RCBTB1: variants seen among roughly 807,000 people sequenced by gnomAD.
The protein encoded by RCBTB1 is RCC1 and BTB domain containing protein 1.
Under a neutral mutation model 62.4 loss-of-function variants are expected in RCBTB1, and 46 were observed. The observed-to-expected ratio is 0.74, with a 90% confidence interval of 0.58 to 0.94. The LOEUF is 0.94. Ranked by LOEUF, RCBTB1 falls within the 40% of genes least tolerant of loss-of-function variation. The pLI is 0.00. For missense variants in RCBTB1, 565 were observed against 654.9 expected, an observed-to-expected ratio of 0.86 and a Z score of 1.50; for synonymous variants, 222 against 245.8, an observed-to-expected ratio of 0.90 and a Z score of 0.91.
At chr13:49,560,200 C>G in intron 4 of RCBTB1, 116 bp from the exon 5 acceptor site, 3 of 1,112,100 alleles carry the variant, frequency 2.7e-6, no homozygotes, top group Non-Finnish European at 3.9e-6. Flanking sequence ...CCCATTGCCC[C>G]CTCCTCTCTA....
At chr13:49,573,013 C>T (rs1963512419) in intron 2 of RCBTB1, among the ~76,000 whole-genome samples, 1 of 152,134 alleles carries the variant, frequency 6.6e-6, no homozygotes, top group African/African-American at 2.4e-5. Flanking sequence ...CAACTCTCTT[C>T]CTTCCCATGG....
chr13:49,583,020 T>TA (rs1964195975), intron 1 of RCBTB1, among the ~76,000 whole-genome samples: 1 of 151,776 alleles, frequency 6.6e-6, no homozygotes, highest in African/African-American at 2.4e-5. Context: ...CTACAAAAAA[T>TA]AAAAAAATTA....
At position 49,555,574 on chromosome 13, in the gene RCBTB1, T is replaced by A; in HGVS notation, c.544A>T (p.Arg182Trp). ...TGACCACAGGCAATGCCAACTACCCTCTTAATATGTAAACAGTTTGTAACT... is the reference window on the plus strand; with the variant it reads ...TGACCACAGGCAATGCCAACTACCCACTTAATATGTAAACAGTTTGTAACT... ...RKVTNCLHIKRVVGIACGQTS... is the reference protein window; with the variant it reads ...RKVTNCLHIKWVVGIACGQTS... The change falls in exon 6 of 13, where the codon AGG (arginine) becomes TGG (tryptophan). Residue 182 changes from arginine to tryptophan, a missense_variant. By Grantham distance (101) the Arg-to-Trp change is moderately radical. Transcript: ENST00000378302. 2 of 1,613,792 alleles carry A rather than the reference T, an allele frequency of 1.2e-6. No individual in the cohort carries two copies. Among genetic ancestry groups the A allele is most frequent in the Non-Finnish European group, 1.7e-6 (2 of 1,179,752 alleles).
chr13:49,534,892 G>A lies in RCBTB1; in HGVS notation c.1456-630C>T, dbSNP rs142332312. Reference sequence around the variant, plus strand: ...CTAGTAAAACTACAAAAATTAGCCGGGCGTGGTGGTGGATGCCTGTAATCC... The same window carrying A: ...CTAGTAAAACTACAAAAATTAGCCGAGCGTGGTGGTGGATGCCTGTAATCC... On this transcript the variant is annotated intron_variant, in intron 12 of 12. Transcript: ENST00000378302. Among the ~76,000 whole-genome samples, 1,055 of 152,170 alleles carry A rather than the reference G, an allele frequency of 6.9e-3. 13 individuals are homozygous for A. The highest frequency in any genetic ancestry group is 0.022 in the African/African-American group (902 of 41,514).
In RCBTB1 at chr13:49,532,476, T is replaced by G. The variant is rs1167071226; in HGVS notation, c.*1646A>C. ...CAGTGATTGTTACAAACACCACCCA[T>G]CATAGCACAAATCAATGTGCATTTC... On this transcript the variant is annotated 3_prime_UTR_variant, in exon 13 of 13. Coordinates refer to ENST00000378302, the MANE Select transcript of RCBTB1 (RefSeq NM_018191.4). The G allele has an allele frequency of 6.6e-6, 1 of 152,572 alleles. No homozygotes were observed. The highest frequency in any genetic ancestry group is 2.4e-5 in the African/African-American group (1 of 41,424). The allele number at this position is 152,572 out of a possible 1,614,324, so 9.5% of individuals were successfully genotyped here. A position where few individuals can be genotyped will look rare whatever the true frequency, so the allele number is the denominator to read the frequency against.
chr13:49,551,893 C>G (rs1159425653), intron 7 of RCBTB1, among the ~76,000 whole-genome samples: 2 of 81,016 alleles, frequency 2.5e-5, no homozygotes, highest in African/African-American at 1.1e-4. Flanking sequence ...GAGGGAGACT[C>G]CGTCTCAAAA....
chr13:49,532,410 T>C lies in RCBTB1; in HGVS notation c.*1712A>G, dbSNP rs1183930425. ...TTTCAAGTAAGAGCAATAGTAAACA[T>C]ACTGAAGTTCACATTTTGCTCAGAT... is the stretch of plus-strand genomic sequence containing the variant. On this transcript the variant is annotated 3_prime_UTR_variant, in exon 13 of 13. Coordinates refer to ENST00000378302, the MANE Select transcript of RCBTB1 (RefSeq NM_018191.4). 4 of 115,812 alleles carry C rather than the reference T, an allele frequency of 3.5e-5. No individual in the cohort carries two copies. The East Asian group carries it at 1.0e-3, about 29-fold the overall frequency. 7.2% of individuals were successfully genotyped at this position (115,812 alleles called of 1,614,324 possible).
At chr13:49,535,510 C>A (rs536683074) in intron 12 of RCBTB1, among the ~76,000 whole-genome samples, 1 of 152,308 alleles carries the variant, frequency 6.6e-6, no homozygotes, top group Admixed American at 6.5e-5. Flanking sequence ...AGAAGCTCAA[C>A]ATTTCAACTG....
chr13:49,569,063 GAA>G (rs1319834893), intron 2 of RCBTB1, among the ~76,000 whole-genome samples: 2 of 152,154 alleles, frequency 1.3e-5, no homozygotes, highest in African/African-American at 2.4e-5. Context: ...AGGAAATGGA[GAA>G]AAAGAGATTT....
At position 49,555,785 on chromosome 13, in the gene RCBTB1, G is replaced by A. The variant is rs1961809062; in HGVS notation, c.445-112C>T. ...CCTACTTAATGAGTACTTAAGATGTGCTAAACGGTTCTATATGCTTTACAC... is the reference window on the plus strand; with the variant it reads ...CCTACTTAATGAGTACTTAAGATGTACTAAACGGTTCTATATGCTTTACAC... On this transcript the variant is annotated intron_variant, in intron 5 of 12. Coordinates refer to ENST00000378302, the MANE Select transcript of RCBTB1 (RefSeq NM_018191.4). 6.4e-6 allele frequency: 5 copies of A among 783,238 alleles called. No individual in the cohort carries two copies. In the South Asian group the frequency reaches 9.4e-5, roughly 15 times the overall value. 48.5% of individuals were successfully genotyped at this position (783,238 alleles called of 1,614,324 possible).
chr13:49,540,236 A>C (rs1960242810), intron 12 of RCBTB1, among the ~76,000 whole-genome samples: 1 of 152,216 alleles, frequency 6.6e-6, no homozygotes, highest in South Asian at 2.1e-4. Flanking sequence ...CAGACGAATG[A>C]GACAGTTCCT....
intron 2 of RCBTB1, among the ~76,000 whole-genome samples, chr13:49,573,581 T>C (rs1594344797): frequency 6.6e-6 from 1 of 151,860 alleles, no homozygotes. Context: ...CCCAAGTAGC[T>C]GGGATTACAG....
chr13:49,541,604 T>A, intron 11 of RCBTB1, 72 bp downstream of exon 11: 6 of 1,421,868 alleles, frequency 4.2e-6, no homozygotes, highest in Non-Finnish European at 5.6e-6. Flanking sequence ...GCTTTTTACA[T>A]TTCAGGACTA....
chr13:49,550,043 G>T, intron 8 of RCBTB1: 1 of 443,148 alleles, frequency 2.3e-6, no homozygotes, highest in Non-Finnish European at 3.0e-6. Flanking sequence ...AGGCTAGAGC[G>T]CAGTGGCATG....
intron 10 of RCBTB1, among the ~76,000 whole-genome samples, chr13:49,543,586 C>T (rs1960561838): frequency 6.6e-6 from 1 of 152,234 alleles, no homozygotes; most frequent in Non-Finnish European, 1.5e-5. Flanking sequence ...TTGTAAATGG[C>T]CACTTTAATG....
chr13:49,551,285 C>T (rs1481121351), intron 8 of RCBTB1, 41 bp downstream of exon 8: 1 of 1,607,266 alleles, frequency 6.2e-7, no homozygotes, highest in South Asian at 1.1e-5. Flanking sequence ...CCCAAGGCCA[C>T]ATCGCACACA....
At chr13:49,575,888 A>C (rs1963746837) in intron 2 of RCBTB1, among the ~76,000 whole-genome samples, 1 of 152,060 alleles carries the variant, frequency 6.6e-6, no homozygotes, top group South Asian at 2.1e-4. Context: ...CCTGAATCTA[A>C]AATAAAAGTT....
intron 7 of RCBTB1, 125 bp downstream of exon 7, chr13:49,552,053 A>G: frequency 4.3e-6 from 3 of 704,290 alleles, no homozygotes; most frequent in Non-Finnish European, 7.7e-6. Context: ...AATATTAAAT[A>G]TGGAAGATGA....
intron 2 of RCBTB1, among the ~76,000 whole-genome samples, chr13:49,580,188 G>T (rs536622901): frequency 7.9e-5 from 12 of 152,272 alleles, no homozygotes; most frequent in Admixed American, 7.2e-4. Context: ...AAATATCGAT[G>T]ATTAGAAATA....
Sources: gnomAD v4.1 joint callset for allele counts (sites outside exome capture counted in the v4.1 genomes callset) on GRCh38, gnomAD v4.1.1 for gene constraint, MANE v1.5 for transcripts, NCBI Gene and HGNC (gene_info 2026-07-23, HGNC 2026-07-21) for gene names.